Variants in ALK observed in about 807,000 individuals in gnomAD.
ALK encodes ALK tyrosine kinase receptor.
A neutral mutation model predicts 163.1 loss-of-function variants in ALK; 74 were observed. The observed-to-expected ratio is 0.45, with a 90% confidence interval of 0.38 to 0.55. The LOEUF (loss-of-function observed/expected upper bound fraction) is 0.55, where lower values mean the gene tolerates loss of function less well. Among genes scored for constraint, ALK ranks in the 20% least tolerant of loss-of-function variants. The pLI, the probability that ALK is intolerant of heterozygous loss-of-function variation, is 0.00. For synonymous variants in ALK, 960 were observed against 843.2 expected (o/e 1.14, Z -2.40); for missense variants, 2,063 against 2,105.3 (o/e 0.98, Z 0.39).
intron 5 of ALK, among the ~76,000 whole-genome samples, chr2:29,358,470 T>G (rs950095636): frequency 4.6e-5 from 7 of 152,176 alleles, no homozygotes; most frequent in African/African-American, 1.7e-4. Context: ...TATGGTTCAG[T>G]CTAAGGCTCT....
At chr2:29,899,865 G>A (rs1667367946) in intron 1 of ALK, 1 of 152,312 alleles carries the variant, frequency 6.6e-6, no homozygotes, top group African/African-American at 2.4e-5. Context: ...GAGAAAAAAA[G>A]AAATACCACA....
chr2:29,906,922 A>T (rs1363519708), intron 1 of ALK, among the ~76,000 whole-genome samples: 1 of 149,358 alleles, frequency 6.7e-6, no homozygotes. Context: ...CCAGAAATAT[A>T]CATATACATT....
intron 1 of ALK, among the ~76,000 whole-genome samples, chr2:29,852,683 T>A (rs1266156711): frequency 6.6e-6 from 1 of 152,168 alleles, no homozygotes; most frequent in Non-Finnish European, 1.5e-5. Flanking sequence ...ACCGAATGTT[T>A]GTGTACCCCC....
At chr2:29,918,640 G>A (rs1308992079) in intron 1 of ALK, among the ~76,000 whole-genome samples, 3 of 152,206 alleles carry the variant, frequency 2.0e-5, no homozygotes, top group Non-Finnish European at 4.4e-5. Flanking sequence ...ATACTAGTAT[G>A]TATTCTGTGC....
At chr2:29,320,593 A>C (rs116411051) in intron 7 of ALK, among the ~76,000 whole-genome samples, 158 bp downstream of exon 7, 1 of 152,216 alleles carries the variant, frequency 6.6e-6, no homozygotes, top group East Asian at 1.9e-4. Context: ...CGAAAGCCCA[A>C]GGTGTGAAGA....
chr2:29,401,028 C>T (rs1669432005), intron 4 of ALK, among the ~76,000 whole-genome samples: 1 of 152,016 alleles, frequency 6.6e-6, no homozygotes, highest in Admixed American at 6.5e-5. Context: ...TCTTTCAGCA[C>T]TTAGTGGCTC....
intron 3 of ALK, among the ~76,000 whole-genome samples, chr2:29,547,899 T>C (rs1429438908): frequency 6.6e-6 from 1 of 152,196 alleles, no homozygotes; most frequent in Non-Finnish European, 1.5e-5. Flanking sequence ...GCATTTCACA[T>C]TAATAACGAA....
At chr2:29,594,180 A>AT (rs1230316196) in intron 3 of ALK, among the ~76,000 whole-genome samples, 1 of 152,190 alleles carries the variant, frequency 6.6e-6, no homozygotes, top group Non-Finnish European at 1.5e-5. Flanking sequence ...ACTACATTAT[A>AT]TTTTATAAAG....
chr2:29,840,422 G>A (rs1237480813), intron 1 of ALK, among the ~76,000 whole-genome samples: 1 of 152,134 alleles, frequency 6.6e-6, no homozygotes, highest in Non-Finnish European at 1.5e-5. Flanking sequence ...AATGGATAAA[G>A]ACAAAGCTCA....
At chr2:29,747,256 T>G (rs965076205) in intron 1 of ALK, among the ~76,000 whole-genome samples, 1 of 152,230 alleles carries the variant, frequency 6.6e-6, no homozygotes, top group African/African-American at 2.4e-5. Context: ...AACAATATGT[T>G]CCAACTAGTC....
rs149651344 is a variant in ALK, at chr2:29,698,249, A to G, written c.788-3235T>C. On this transcript the variant is annotated intron_variant, in intron 2 of 28. Coordinates refer to ENST00000389048, the MANE Select transcript of ALK (RefSeq NM_004304.5). ...GTGCTTGAAGACACCTGGTTTTCAG[A>G]GCAGACTGCAAAGAGAAAACTGGTC... is the stretch of plus-strand genomic sequence containing the variant. Among the ~76,000 whole-genome samples, 442 of 152,314 alleles carry G rather than the reference A, an allele frequency of 2.9e-3. 1 individual carries two copies. Among genetic ancestry groups the G allele is most frequent in the African/African-American group, 0.01 (424 of 41,582 alleles).
At chr2:29,886,213 G>A (rs1442985925) in intron 1 of ALK, among the ~76,000 whole-genome samples, 2 of 152,176 alleles carry the variant, frequency 1.3e-5, no homozygotes, top group Admixed American at 1.3e-4. Context: ...AATATGCAAA[G>A]TATGTGTTAA....
intron 1 of ALK, among the ~76,000 whole-genome samples, chr2:29,851,204 A>T (rs1437635781): frequency 8.5e-5 from 13 of 152,212 alleles, no homozygotes; most frequent in Non-Finnish European, 1.8e-4. Flanking sequence ...ATAGCATGTT[A>T]TTGACAGAAA....
At chr2:29,208,709 C>A (rs73920732) in intron 25 of ALK, among the ~76,000 whole-genome samples, 5,977 of 152,102 alleles carry the variant, frequency 0.039, 348 homozygotes, top group African/African-American at 0.13. Flanking sequence ...CTCACTTATT[C>A]CCCAAAGAGT....
At chr2:29,823,194 C>T (rs1665097851) in intron 1 of ALK, among the ~76,000 whole-genome samples, 2 of 152,166 alleles carry the variant, frequency 1.3e-5, no homozygotes, top group South Asian at 4.1e-4. Context: ...ATGATTTGCT[C>T]CTGCTTGCCT....
intron 3 of ALK, among the ~76,000 whole-genome samples, chr2:29,670,221 CAGCTTTTATTTGTCTGGGAAGGACT>C (rs1173710874): frequency 6.6e-6 from 1 of 152,036 alleles, no homozygotes; most frequent in African/African-American, 2.4e-5. Flanking sequence ...TGAAGTTTCT[CAGCTTTTATTTGTCTGGGAAGGACT>C]AGCTTTCCTT....
intron 4 of ALK, among the ~76,000 whole-genome samples, chr2:29,459,540 A>G (rs911631027): frequency 1.3e-5 from 2 of 151,896 alleles, no homozygotes; most frequent in African/African-American, 2.4e-5. Flanking sequence ...TGATTGGCTA[A>G]GGATGGGCAT....
Position 29,899,113 on chromosome 2 carries a change from C to G in ALK, c.667+20880G>C, listed in dbSNP as rs148540679. 2.7e-3 allele frequency among the ~76,000 whole-genome samples: 406 copies of G among 152,272 alleles called. 1 individual carries two copies. The highest frequency in any genetic ancestry group is 3.5e-3 in the Non-Finnish European group (235 of 68,030). ...AACTGCAAATTCTCAGGCCCTACCC[C>G]CGACCTACTGAATGAGAAACTCTGG... On this transcript the variant is annotated intron_variant, in intron 1 of 28. Coordinates refer to ENST00000389048, the MANE Select transcript of ALK (RefSeq NM_004304.5).
At chr2:29,590,929 G>T (rs1675035531) in intron 3 of ALK, among the ~76,000 whole-genome samples, 1 of 151,592 alleles carries the variant, frequency 6.6e-6, no homozygotes, top group African/African-American at 2.4e-5. Flanking sequence ...AAATTAGCCG[G>T]GCGTGTTGGC....
Sources: allele counts gnomAD v4.1 joint callset (sites outside exome capture counted in the v4.1 genomes callset), GRCh38; gene constraint gnomAD v4.1.1; transcripts MANE v1.5; gene names NCBI Gene and HGNC (gene_info 2026-07-23, HGNC 2026-07-21).